The following COL5A2 variants were observed in gnomAD, a reference collection of about 807,000 sequenced individuals.
COL5A2 encodes collagen type V alpha 2 chain.
A neutral mutation model predicts 208.2 loss-of-function variants in COL5A2; 23 were observed. That is an observed-to-expected ratio of 0.11 (90% CI 0.08 to 0.16). The LOEUF (loss-of-function observed/expected upper bound fraction) is 0.16, where lower values mean the gene tolerates loss of function less well. COL5A2 is among the 10% of genes least tolerant of loss of function. The pLI is 1.00. For missense variants in COL5A2, 1,590 were observed against 1,956.4 expected, an observed-to-expected ratio of 0.81 and a Z score of 3.53; for synonymous variants, 625 against 628.5, an observed-to-expected ratio of 0.99 and a Z score of 0.08.
chr2:189,345,376 T>C, the COL5A2 span, among the ~76,000 whole-genome samples: 1 of 152,092 alleles, frequency 6.6e-6, no homozygotes, highest in Non-Finnish European at 1.5e-5. Flanking sequence ...GCTGAAGATA[T>C]GGATTTAGGA....
chr2:189,122,483 T>C (rs1280726851), intron 1 of COL5A2, among the ~76,000 whole-genome samples: 4 of 152,122 alleles, frequency 2.6e-5, no homozygotes, highest in Admixed American at 6.6e-5. Context: ...GTGATGAGAA[T>C]ACTTGGTACA....
At position 189,215,296 on chromosome 2, in the gene COL5A2, C is replaced by T. The variant is rs144659646; in HGVS notation, c.-42+9852G>A. Among the ~76,000 whole-genome samples the T allele has an allele frequency of 6.6e-5, 10 of 152,204 alleles. No individual in the cohort carries two copies. In the East Asian group the frequency reaches 1.7e-3, roughly 26 times the overall value. On this transcript the variant is annotated intron_variant, in intron 1 of 10. Transcript: ENST00000649966. ...CCAAGGAAACTGGGATGGTTGGTCA[C>T]TCTAAGAACATGGCTGTCTGAAACA...
the COL5A2 span, among the ~76,000 whole-genome samples, chr2:189,268,650 T>A: frequency 6.6e-6 from 1 of 152,090 alleles, no homozygotes; most frequent in Non-Finnish European, 1.5e-5. Flanking sequence ...CTATAAACAA[T>A]ACACAAAAAA....
chr2:189,104,134 T>C, intron 3 of COL5A2, 130 bp downstream of exon 3: 1 of 737,776 alleles, frequency 1.4e-6, no homozygotes, highest in Non-Finnish European at 2.5e-6. Context: ...CTTATATACT[T>C]GTCACAATGT....
chr2:189,311,947 C>A, the COL5A2 span: 133 of 766,950 alleles, frequency 1.7e-4, no homozygotes, highest in African/African-American at 2.1e-3. Flanking sequence ...CTGTCTCCAG[C>A]TGCAGCCGAG....
the COL5A2 span, among the ~76,000 whole-genome samples, chr2:189,334,210 T>C: frequency 6.6e-6 from 1 of 151,964 alleles, no homozygotes; most frequent in East Asian, 1.9e-4. Flanking sequence ...GGGAACAAGG[T>C]AGGGTGTCTT....
chr2:189,274,773 T>C, the COL5A2 span, among the ~76,000 whole-genome samples: 1 of 152,152 alleles, frequency 6.6e-6, no homozygotes, highest in Non-Finnish European at 1.5e-5. Flanking sequence ...TGAATAATGA[T>C]ATATTTTTAT....
chr2:189,061,307 C>G (rs1686027334), intron 30 of COL5A2, among the ~76,000 whole-genome samples: 1 of 152,044 alleles, frequency 6.6e-6, no homozygotes, highest in South Asian at 2.1e-4. Flanking sequence ...TTCCTGATAT[C>G]TTTTTATTAC....
chr2:189,391,023 A>T, the COL5A2 span, among the ~76,000 whole-genome samples: 4 of 152,326 alleles, frequency 2.6e-5, no homozygotes, highest in East Asian at 7.7e-4. Flanking sequence ...TGTTTAGTTC[A>T]AATGCGAGTT....
chr2:189,393,246 A>G, the COL5A2 span, among the ~76,000 whole-genome samples: 1 of 152,128 alleles, frequency 6.6e-6, no homozygotes, highest in East Asian at 1.9e-4. Flanking sequence ...GTCTAAAAGT[A>G]CTATGATTTT....
At chr2:189,064,807 G>A (rs902154976) in intron 24 of COL5A2, 152 bp from the exon 25 acceptor site, 8 of 843,046 alleles carry the variant, frequency 9.5e-6, no homozygotes, top group Middle Eastern at 2.3e-4. Flanking sequence ...ACCACATTCC[G>A]CCAACTAGCA....
At chr2:189,076,239 C>T (rs573063553) in intron 16 of COL5A2, among the ~76,000 whole-genome samples, 23 of 152,212 alleles carry the variant, frequency 1.5e-4, no homozygotes, top group African/African-American at 5.5e-4. Flanking sequence ...TCCTAGGAAA[C>T]CTGACCTAAG....
At chr2:189,389,861 T>C in the COL5A2 span, among the ~76,000 whole-genome samples, 1 of 152,186 alleles carries the variant, frequency 6.6e-6, no homozygotes, top group Admixed American at 6.5e-5. Context: ...AAGGAGTCTG[T>C]AGTAAATCTA....
chr2:189,128,268 A>G, intron 1 of COL5A2, among the ~76,000 whole-genome samples: 1 of 151,988 alleles, frequency 6.6e-6, no homozygotes. Flanking sequence ...TTATGTTTGT[A>G]AAAAGTAGGT....
At chr2:189,073,498 C>T (rs1196602273) in intron 17 of COL5A2, among the ~76,000 whole-genome samples, 1 of 152,132 alleles carries the variant, frequency 6.6e-6, no homozygotes, top group African/African-American at 2.4e-5. Context: ...ATTTCTGAGT[C>T]TACCTCTAGA....
the COL5A2 span, among the ~76,000 whole-genome samples, chr2:189,393,267 G>A: frequency 6.6e-6 from 1 of 151,698 alleles, no homozygotes. Context: ...CCAATCTTGG[G>A]TCTGGCAATA....
chr2:189,154,005 A>G (rs375640099), intron 1 of COL5A2, among the ~76,000 whole-genome samples: 1 of 152,144 alleles, frequency 6.6e-6, no homozygotes, highest in East Asian at 1.9e-4. Flanking sequence ...ACTGACTGCA[A>G]ACTCTGGCAC....
upstream of COL5A2, among the ~76,000 whole-genome samples, chr2:189,226,678 G>T (rs1689423605): frequency 6.6e-6 from 1 of 152,102 alleles, no homozygotes; most frequent in African/African-American, 2.4e-5. Flanking sequence ...AACAGAAAAA[G>T]AACTGGGTGT....
chr2:189,039,636 T>C, intron 50 of COL5A2, 73 bp from the exon 51 acceptor site: 2 of 1,477,448 alleles, frequency 1.4e-6, no homozygotes, highest in South Asian at 2.4e-5. Context: ...ACTTGGTTCA[T>C]AGGGAGTTCC....
Sources: allele counts gnomAD v4.1 joint callset (sites outside exome capture counted in the v4.1 genomes callset), GRCh38; gene constraint gnomAD v4.1.1; transcripts MANE v1.5; gene names NCBI Gene and HGNC (gene_info 2026-07-23, HGNC 2026-07-21).